Variants in SLC25A12 observed in about 807,000 individuals in gnomAD.
SLC25A12 encodes solute carrier family 25 member 12.
A neutral mutation model predicts 83.3 loss-of-function variants in SLC25A12; 32 were observed. The observed-to-expected ratio is 0.38, with a 90% CI of 0.29 to 0.52. The LOEUF (loss-of-function observed/expected upper bound fraction) is 0.52, where lower values mean the gene tolerates loss of function less well. SLC25A12 is among the 20% of genes least tolerant of loss of function. The pLI, the probability that SLC25A12 is intolerant of heterozygous loss-of-function variation, is 0.84. For missense variants in SLC25A12, 611 were observed against 835.6 expected (o/e 0.73, Z 3.31); for synonymous variants, 267 against 291.1 (o/e 0.92, Z 0.84).
At chr2:171,821,482 C>T (rs1354914399) in intron 9 of SLC25A12, among the ~76,000 whole-genome samples, 1 of 152,176 alleles carries the variant, frequency 6.6e-6, no homozygotes, top group East Asian at 1.9e-4. Context: ...ATTCCTTCAC[C>T]TCTTGAACAA....
At chr2:171,843,569 T>C (rs1241444095) in intron 5 of SLC25A12, among the ~76,000 whole-genome samples, 1 of 151,756 alleles carries the variant, frequency 6.6e-6, no homozygotes, top group Non-Finnish European at 1.5e-5. Context: ...GAGGTGGAGG[T>C]TACAGTGAGC....
chr2:171,837,091 A>T, intron 6 of SLC25A12, 30 bp downstream of exon 6: 1 of 1,612,068 alleles, frequency 6.2e-7, no homozygotes, highest in Admixed American at 1.7e-5. Context: ...TTGAGGAAAT[A>T]GAAAGTTAAA....
At position 171,787,982 on chromosome 2, in the gene SLC25A12, G is replaced by A. The variant is rs746908870; in HGVS notation, c.1586-35C>T. The A allele has an allele frequency of 4.3e-6, 7 of 1,609,446 alleles. No individual in the cohort carries two copies. The East Asian group carries it at 1.6e-4, about 36-fold the overall frequency. On this transcript the variant is annotated intron_variant, in intron 15 of 17. Coordinates refer to ENST00000422440, the MANE Select transcript of SLC25A12 (RefSeq NM_003705.5). ...GAAAACCACATTTAATTTATCTAGA[G>A]TACCTTATAAAAGATAGGAATACTG...
At chr2:171,805,842 G>A (rs1683812990) in intron 13 of SLC25A12, among the ~76,000 whole-genome samples, 1 of 152,220 alleles carries the variant, frequency 6.6e-6, no homozygotes, top group South Asian at 2.1e-4. Flanking sequence ...CCAGCCTGGT[G>A]ACTCACACCT....
intron 9 of SLC25A12, among the ~76,000 whole-genome samples, chr2:171,825,476 T>C (rs543862960): frequency 1.3e-5 from 2 of 152,276 alleles, no homozygotes; most frequent in Non-Finnish European, 2.9e-5. Flanking sequence ...AGGTGAACAA[T>C]AACAGCAAGC....
intron 10 of SLC25A12, among the ~76,000 whole-genome samples, chr2:171,814,897 C>A (rs1033689863): frequency 6.6e-5 from 10 of 152,194 alleles, no homozygotes; most frequent in Non-Finnish European, 2.9e-5. Flanking sequence ...CAGACTTTCA[C>A]ATCATTACAG....
chr2:171,831,929 C>G (rs181562435), intron 8 of SLC25A12, among the ~76,000 whole-genome samples: 1 of 151,350 alleles, frequency 6.6e-6, no homozygotes, highest in East Asian at 1.9e-4. Context: ...GAAAGAAAAA[C>G]GTAACAACAG....
intron 8 of SLC25A12, among the ~76,000 whole-genome samples, chr2:171,827,789 A>G (rs1224929536): frequency 6.6e-6 from 1 of 152,240 alleles, no homozygotes; most frequent in East Asian, 1.9e-4. Context: ...CACTGGTAAC[A>G]TATCTTGGCA....
At chr2:171,867,631 AC>A (rs1318730734) in intron 3 of SLC25A12, among the ~76,000 whole-genome samples, 1 of 151,966 alleles carries the variant, frequency 6.6e-6, no homozygotes, top group African/African-American at 2.4e-5. Flanking sequence ...GGAGAGGGAG[AC>A]CGTGGGGAGA....
intron 15 of SLC25A12, among the ~76,000 whole-genome samples, chr2:171,790,294 G>A (rs956796894): frequency 1.2e-4 from 19 of 152,176 alleles, no homozygotes; most frequent in African/African-American, 3.6e-4. Context: ...GAGCCACACT[G>A]AGCTCTGTAA....
chr2:171,809,812 T>A, intron 12 of SLC25A12, 126 bp from the exon 13 acceptor site: 1 of 760,356 alleles, frequency 1.3e-6, no homozygotes, highest in Non-Finnish European at 2.4e-6. Flanking sequence ...AATGCTTACA[T>A]GTAAAATTAA....
intron 4 of SLC25A12, among the ~76,000 whole-genome samples, chr2:171,849,354 A>C (rs1211497099): frequency 6.6e-6 from 1 of 151,912 alleles, no homozygotes; most frequent in East Asian, 1.9e-4. Flanking sequence ...CTAAAAAAAA[A>C]AGCAAAAAAC....
At position 171,883,047 on chromosome 2, in the gene SLC25A12, G is replaced by C. The variant is rs112902802; in HGVS notation, c.66+10158C>G. The stretch of plus-strand genomic sequence containing the variant: ...AAATCGGTATTTGTCAATAACTTCA[G>C]ATGGATGTCTCAAGAATGTAAGTAA... On this transcript the variant is annotated intron_variant, in intron 2 of 17. Coordinates refer to ENST00000422440, the MANE Select transcript of SLC25A12 (RefSeq NM_003705.5). 2.3e-4 allele frequency among the ~76,000 whole-genome samples: 35 copies of C among 152,224 alleles called. 2 individuals carry two copies. The highest frequency in any genetic ancestry group is 7.9e-4 in the African/African-American group (33 of 41,530).
chr2:171,820,924 T>C (rs1156982180), intron 9 of SLC25A12, among the ~76,000 whole-genome samples: 1 of 151,142 alleles, frequency 6.6e-6, no homozygotes, highest in Non-Finnish European at 1.5e-5. Flanking sequence ...CTGTAGGTCA[T>C]CTTAATAGCA....
At chr2:171,834,640 G>C in intron 7 of SLC25A12, 87 bp downstream of exon 7, 1 of 1,430,966 alleles carries the variant, frequency 7.0e-7, no homozygotes, top group South Asian at 1.2e-5. Flanking sequence ...TCTGGCTTTA[G>C]AGTGGTAAGC....
chr2:171,875,763 A>C (rs530259503), intron 2 of SLC25A12, among the ~76,000 whole-genome samples: 21 of 152,198 alleles, frequency 1.4e-4, no homozygotes, highest in Non-Finnish European at 1.6e-4. Flanking sequence ...AATACAAAAA[A>C]TTAGCTGGGT....
intron 3 of SLC25A12, among the ~76,000 whole-genome samples, chr2:171,861,608 A>G (rs1400142344): frequency 1.3e-5 from 2 of 152,094 alleles, no homozygotes; most frequent in African/African-American, 4.8e-5. Context: ...GGGTTTTGCT[A>G]TGTTACCCCG....
At chr2:171,884,713 T>A (rs943010689) in intron 2 of SLC25A12, among the ~76,000 whole-genome samples, 2 of 151,344 alleles carry the variant, frequency 1.3e-5, no homozygotes, top group Non-Finnish European at 2.9e-5. Context: ...ATGCAGTGGT[T>A]GCAGTGAGCT....
intron 5 of SLC25A12, among the ~76,000 whole-genome samples, chr2:171,841,178 CAA>C (rs1279739989): frequency 6.6e-6 from 1 of 152,062 alleles, no homozygotes; most frequent in African/African-American, 2.4e-5. Context: ...CTCCCAGGCT[CAA>C]GAGATTCTCC....
Sources: allele counts gnomAD v4.1 joint callset (sites outside exome capture counted in the v4.1 genomes callset), GRCh38; gene constraint gnomAD v4.1.1; transcripts MANE v1.5; gene names NCBI Gene and HGNC (gene_info 2026-07-23, HGNC 2026-07-21).